Variants in CLSTN2 observed in about 807,000 individuals in gnomAD.
The protein encoded by CLSTN2 is calsyntenin-2.
In CLSTN2, 48 loss-of-function variants were observed where a neutral mutation model predicts 101.2. That is an observed-to-expected ratio of 0.47 (90% confidence interval 0.38 to 0.60). The LOEUF (loss-of-function observed/expected upper bound fraction) is 0.60, where lower values mean the gene tolerates loss of function less well. CLSTN2 is among the 20% of genes least tolerant of loss of function. CLSTN2 has a pLI of 0.00. For synonymous variants in CLSTN2, 481 were observed against 463.6 expected (o/e 1.04, Z -0.48); for missense variants, 1,160 against 1,238.2 (o/e 0.94, Z 0.95).
intron 5 of CLSTN2, among the ~76,000 whole-genome samples, chr3:140,425,542 T>C (rs1181700975): frequency 6.6e-6 from 1 of 152,248 alleles, no homozygotes; most frequent in Non-Finnish European, 1.5e-5. Flanking sequence ...GGGTTGGTCT[T>C]ATCTTCTCCC....
chr3:140,429,369 C>G (rs965616397), intron 5 of CLSTN2, among the ~76,000 whole-genome samples: 1 of 152,120 alleles, frequency 6.6e-6, no homozygotes, highest in Admixed American at 6.6e-5. Context: ...GATACTTAAC[C>G]TTGGACCAGG....
intron 8 of CLSTN2, among the ~76,000 whole-genome samples, chr3:140,525,851 GC>G (rs1408036785): frequency 6.6e-6 from 1 of 152,050 alleles, no homozygotes; most frequent in African/African-American, 2.4e-5. Context: ...TGCAGAAAAA[GC>G]CTTTGATAAA....
intron 5 of CLSTN2, among the ~76,000 whole-genome samples, chr3:140,427,518 C>T (rs906897102): frequency 6.6e-6 from 1 of 151,804 alleles, no homozygotes; most frequent in African/African-American, 2.4e-5. Context: ...GTGGGATTGT[C>T]ACATCTGATG....
At chr3:140,442,839 C>T (rs1932986951) in intron 5 of CLSTN2, among the ~76,000 whole-genome samples, 1 of 152,176 alleles carries the variant, frequency 6.6e-6, no homozygotes, top group Non-Finnish European at 1.5e-5. Context: ...TTTTACCTCT[C>T]CAGCCCATCT....
At chr3:140,552,281 A>AT (rs1559902365) in intron 10 of CLSTN2, among the ~76,000 whole-genome samples, 1 of 152,070 alleles carries the variant, frequency 6.6e-6, no homozygotes. Context: ...CGAGTGAGCA[A>AT]TGCCACCCTT....
chr3:140,227,732 G>T (rs2086336084), intron 2 of CLSTN2, among the ~76,000 whole-genome samples: 1 of 152,218 alleles, frequency 6.6e-6, no homozygotes, highest in Admixed American at 6.5e-5. Flanking sequence ...CTAGGTTGAG[G>T]TTACCAAACC....
At chr3:140,095,864 C>T (rs552666878) in intron 1 of CLSTN2, among the ~76,000 whole-genome samples, 18 of 152,202 alleles carry the variant, frequency 1.2e-4, no homozygotes, top group East Asian at 7.7e-4. Context: ...TGTTAGGACG[C>T]GCAAGTAATT....
intron 2 of CLSTN2, among the ~76,000 whole-genome samples, chr3:140,379,696 G>T (rs984560274): frequency 3.9e-5 from 6 of 152,116 alleles, no homozygotes; most frequent in Admixed American, 3.9e-4. Context: ...TTGTCATTGG[G>T]TACAGGTTAA....
chr3:140,458,324 G>A (rs1933456067), intron 6 of CLSTN2, among the ~76,000 whole-genome samples: 1 of 152,008 alleles, frequency 6.6e-6, no homozygotes, highest in African/African-American at 2.4e-5. Flanking sequence ...TGACTGACTG[G>A]TCAGTGCCAT....
chr3:140,379,763 T>C (rs761972918), intron 2 of CLSTN2, among the ~76,000 whole-genome samples: 2 of 152,076 alleles, frequency 1.3e-5, no homozygotes, highest in Non-Finnish European at 2.9e-5. Flanking sequence ...ATAAAGCTTG[T>C]AGGGTGTCTT....
chr3:140,348,150 C>T (rs2087568273), intron 2 of CLSTN2, among the ~76,000 whole-genome samples: 1 of 152,280 alleles, frequency 6.6e-6, no homozygotes, highest in South Asian at 2.1e-4. Flanking sequence ...GTTCTTTCCC[C>T]ACTCTGGAAA....
intron 4 of CLSTN2, among the ~76,000 whole-genome samples, chr3:140,404,991 A>G (rs921456612): frequency 6.6e-6 from 1 of 152,048 alleles, no homozygotes; most frequent in African/African-American, 2.4e-5. Flanking sequence ...TCAGAAACCT[A>G]CTCACTCAAT....
intron 5 of CLSTN2, among the ~76,000 whole-genome samples, chr3:140,443,937 G>A (rs1331849534): frequency 1.3e-5 from 2 of 152,184 alleles, no homozygotes; most frequent in Admixed American, 1.3e-4. Context: ...CTGGATTTCT[G>A]CAGTCTTCAG....
intron 8 of CLSTN2, among the ~76,000 whole-genome samples, chr3:140,501,227 T>C (rs193027523): frequency 1.2e-4 from 18 of 152,312 alleles, no homozygotes; most frequent in Non-Finnish European, 1.8e-4. Context: ...TGAAATTCCA[T>C]CGCTTCCTCA....
intron 2 of CLSTN2, among the ~76,000 whole-genome samples, chr3:140,375,265 A>C (rs1396259286): frequency 6.6e-6 from 1 of 152,230 alleles, no homozygotes; most frequent in Non-Finnish European, 1.5e-5. Flanking sequence ...GAGGAGACAC[A>C]CATTCAAAGG....
At chr3:140,205,422 T>C (rs1326813030) in intron 2 of CLSTN2, among the ~76,000 whole-genome samples, 1 of 152,080 alleles carries the variant, frequency 6.6e-6, no homozygotes, top group Non-Finnish European at 1.5e-5. Context: ...ATGGGATAAA[T>C]ATTTAAGGAT....
intron 2 of CLSTN2, among the ~76,000 whole-genome samples, chr3:140,297,410 T>C (rs1248533761): frequency 6.6e-6 from 1 of 152,230 alleles, no homozygotes; most frequent in Non-Finnish European, 1.5e-5. Context: ...CCTTTGTTAC[T>C]ACATCTTCCC....
chr3:140,449,081 C>T (rs1019651075), intron 6 of CLSTN2, among the ~76,000 whole-genome samples: 3 of 152,180 alleles, frequency 2.0e-5, no homozygotes. Flanking sequence ...AGACCAGACC[C>T]AGTATGAAGA....
At chr3:140,122,504 A>G (rs2009359773) in intron 1 of CLSTN2, among the ~76,000 whole-genome samples, 1 of 152,198 alleles carries the variant, frequency 6.6e-6, no homozygotes, top group South Asian at 2.1e-4. Flanking sequence ...GAATGCCTTT[A>G]CTCCCAAGAA....
Sources: gnomAD v4.1 joint callset for allele counts (sites outside exome capture counted in the v4.1 genomes callset) on GRCh38, gnomAD v4.1.1 for gene constraint, MANE v1.5 for transcripts, NCBI Gene and HGNC (gene_info 2026-07-23, HGNC 2026-07-21) for gene names.